ME1: variants seen among roughly 807,000 people sequenced by gnomAD.
The protein encoded by ME1 is NADP-dependent malic enzyme.
A neutral mutation model predicts 66.4 loss-of-function variants in ME1; 74 were observed. The ratio of observed to expected loss-of-function variants is 1.11; its 90% CI spans 0.92 to 1.35. ME1 has a LOEUF of 1.35. Ranked by LOEUF, ME1 falls within the 40% of genes most tolerant of loss-of-function variation. The pLI, the probability that ME1 is intolerant of heterozygous loss-of-function variation, is 0.00. For missense variants in ME1, 750 were observed against 694.1 expected (o/e 1.08, Z -0.90); for synonymous variants, 251 against 235.6 (o/e 1.07, Z -0.60).
intron 6 of ME1, among the ~76,000 whole-genome samples, chr6:83,254,913 T>C (rs149604787): frequency 6.6e-6 from 1 of 152,148 alleles, no homozygotes; most frequent in Admixed American, 6.6e-5. Flanking sequence ...ACAGAGAATG[T>C]TAAACCTTGC....
chr6:83,238,961 C>A (rs1157422572), intron 8 of ME1, among the ~76,000 whole-genome samples: 5 of 151,590 alleles, frequency 3.3e-5, no homozygotes, highest in African/African-American at 1.2e-4. Context: ...TAGTTTTCTT[C>A]TTTCAGATTA....
chr6:83,245,620 C>G lies in ME1; in HGVS notation c.815-5984G>C, dbSNP rs1790605049. On this transcript the variant is annotated intron_variant, in intron 7 of 13. Transcript: ENST00000369705. ...ACGGGGTTTCTCCATGTTGGTCAGG[C>G]TGGTCTTGAACTCGTGACCTTAGGT... 2.6e-5 allele frequency among the ~76,000 whole-genome samples: 4 copies of G among 152,266 alleles called. No homozygotes were observed. In the South Asian group the frequency reaches 6.2e-4, roughly 24 times the overall value.
intron 6 of ME1, among the ~76,000 whole-genome samples, chr6:83,265,269 T>C (rs1766969122): frequency 6.6e-6 from 1 of 152,066 alleles, no homozygotes; most frequent in African/African-American, 2.4e-5. Context: ...TCCTACAGTA[T>C]AGTGTAAACA....
Position 83,223,198 on chromosome 6 carries a change from G to A in ME1, c.1449+562C>T, listed in dbSNP as rs574378160. On this transcript the variant is annotated intron_variant, in intron 12 of 13. Transcript: ENST00000369705. Reference sequence around the variant, plus strand: ...GGTAACAATCTAGCTCTGTAGCCCAGGATGCAGTGCAGTAGTGCAATCGCA... The same window carrying A: ...GGTAACAATCTAGCTCTGTAGCCCAAGATGCAGTGCAGTAGTGCAATCGCA... 2.0e-5 allele frequency among the ~76,000 whole-genome samples: 3 copies of A among 152,180 alleles called. No individual in the cohort carries two copies. The East Asian group carries it at 5.8e-4, about 29-fold the overall frequency.
chr6:83,303,693 AT>A (rs34241445), intron 6 of ME1, among the ~76,000 whole-genome samples: 70,254 of 151,018 alleles, frequency 0.47, 17,753 homozygotes, highest in African/African-American at 0.67. Context: ...ACAAAATACG[AT>A]TTTTTTTTTA....
At chr6:83,383,143 C>T (rs1769440753) in intron 3 of ME1, among the ~76,000 whole-genome samples, 1 of 151,800 alleles carries the variant, frequency 6.6e-6, no homozygotes, top group East Asian at 1.9e-4. Flanking sequence ...CATATACATA[C>T]ATACATACAC....
intron 1 of ME1, among the ~76,000 whole-genome samples, chr6:83,423,977 G>T (rs2128553766): frequency 6.6e-6 from 1 of 151,454 alleles, no homozygotes; most frequent in South Asian, 2.1e-4. Context: ...AGGCATGATG[G>T]TGTGCACCTG....
chr6:83,248,155 A>G (rs1194864426), intron 7 of ME1, among the ~76,000 whole-genome samples: 2 of 152,066 alleles, frequency 1.3e-5, no homozygotes, highest in Non-Finnish European at 1.5e-5. Flanking sequence ...TCCTGACCCT[A>G]ATTGCTTGTT....
chr6:83,312,009 C>T (rs1161532487), intron 6 of ME1, among the ~76,000 whole-genome samples: 2 of 152,242 alleles, frequency 1.3e-5, no homozygotes, highest in South Asian at 2.1e-4. Context: ...GCTCAGCTTC[C>T]GAACCTGAGT....
chr6:83,300,295 C>T (rs1012563683), intron 6 of ME1, among the ~76,000 whole-genome samples: 4 of 151,992 alleles, frequency 2.6e-5, no homozygotes, highest in Admixed American at 6.6e-5. Context: ...GGAAAATAAC[C>T]TAGGAAATAT....
At chr6:83,344,289 CA>C (rs11402376) in intron 5 of ME1, among the ~76,000 whole-genome samples, 1,936 of 105,926 alleles carry the variant, frequency 0.018, 48 homozygotes, top group Admixed American at 0.07. Flanking sequence ...CTATCTCTTA[CA>C]AAAAAAAAAA....
chr6:83,301,591 C>T (rs1438780189), intron 6 of ME1, among the ~76,000 whole-genome samples: 2 of 152,122 alleles, frequency 1.3e-5, no homozygotes, highest in Non-Finnish European at 2.9e-5. Flanking sequence ...GATCCACCCA[C>T]CTCGGCCTCC....
At chr6:83,213,608 C>T (rs1405986606) in intron 13 of ME1, among the ~76,000 whole-genome samples, 2 of 152,130 alleles carry the variant, frequency 1.3e-5, no homozygotes, top group Admixed American at 6.5e-5. Flanking sequence ...CTGAGGTGAT[C>T]CACCTGCCTT....
At chr6:83,404,241 T>A (rs1004597611) in intron 2 of ME1, among the ~76,000 whole-genome samples, 2 of 151,714 alleles carry the variant, frequency 1.3e-5, no homozygotes, top group Admixed American at 6.6e-5. Flanking sequence ...TTGATTTGCA[T>A]TTCTCTAATG....
At chr6:83,281,985 A>G (rs1184446063) in intron 6 of ME1, among the ~76,000 whole-genome samples, 1 of 151,490 alleles carries the variant, frequency 6.6e-6, no homozygotes, top group Non-Finnish European at 1.5e-5. Context: ...AATCAATCAG[A>G]GCTTCTGGAA....
chr6:83,428,205 G>C (rs924376663), intron 1 of ME1, among the ~76,000 whole-genome samples: 1 of 152,094 alleles, frequency 6.6e-6, no homozygotes, highest in Non-Finnish European at 1.5e-5. Context: ...AGAATTAAGA[G>C]ATTCAGCAAA....
chr6:83,218,295 C>A (rs953679350), intron 12 of ME1, among the ~76,000 whole-genome samples: 3 of 152,158 alleles, frequency 2.0e-5, no homozygotes, highest in Non-Finnish European at 4.4e-5. Flanking sequence ...TTTGCTGGAA[C>A]CATGGTTTGG....
chr6:83,361,945 T>C (rs1583401280), intron 3 of ME1, among the ~76,000 whole-genome samples: 1 of 152,140 alleles, frequency 6.6e-6, no homozygotes, highest in Non-Finnish European at 1.5e-5. Context: ...CTGACTTCTC[T>C]TCCCCAGCCT....
intron 5 of ME1, among the ~76,000 whole-genome samples, chr6:83,322,510 C>T (rs1283183694): frequency 2.6e-5 from 4 of 151,980 alleles, no homozygotes; most frequent in Non-Finnish European, 4.4e-5. Flanking sequence ...ATGAAGCATA[C>T]ACAAGTATCA....
Sources: gnomAD v4.1 joint callset for allele counts (sites outside exome capture counted in the v4.1 genomes callset) on GRCh38, gnomAD v4.1.1 for gene constraint, MANE v1.5 for transcripts, NCBI Gene and HGNC (gene_info 2026-07-23, HGNC 2026-07-21) for gene names.